PLCB2: variants seen among roughly 807,000 people sequenced by gnomAD.
The protein encoded by PLCB2 is phospholipase C beta 2.
PLCB2 carries 115 observed loss-of-function variants against 141.7 expected under a neutral mutation model. The ratio of observed to expected loss-of-function variants is 0.81; its 90% CI spans 0.70 to 0.95. The LOEUF (loss-of-function observed/expected upper bound fraction) is 0.95. Ranked by LOEUF, PLCB2 falls within the 40% of genes least tolerant of loss-of-function variation. The pLI is 0.00. For synonymous variants in PLCB2, 603 were observed against 595.6 expected, an observed-to-expected ratio of 1.01 and a Z score of -0.18; for missense variants, 1,403 against 1,541.1, an observed-to-expected ratio of 0.91 and a Z score of 1.50.
At chr15:40,301,063 CGCAGG>C (rs1300099472) in intron 7 of PLCB2, 1 of 157,452 alleles carries the variant, frequency 6.4e-6, no homozygotes, top group Non-Finnish European at 1.4e-5. Context: ...GTAGGGGAGC[CGCAGG>C]AGCCCATTCC....
Position 40,302,039 on chromosome 15 carries a change from G to A in PLCB2, c.507-7C>T. On this transcript the variant is annotated splice_polypyrimidine_tract_variant and splice_region_variant and intron_variant, in intron 6 of 31. Coordinates refer to ENST00000260402, the MANE Select transcript of PLCB2 (RefSeq NM_004573.3). The stretch of plus-strand genomic sequence containing the variant: ...AGGAAACATCTGGAAAAAGCTGAAG[G>A]GGCAGAGAAAGGTACCAGGTACAGA... 3 of 1,614,172 alleles carry A rather than the reference G, an allele frequency of 1.9e-6. No homozygotes were observed. The Admixed American group carries it at 5.0e-5, about 27-fold the overall frequency.
At chr15:40,303,225 CT>C in intron 3 of PLCB2, 62 bp downstream of exon 3, 1 of 1,226,674 alleles carries the variant, frequency 8.2e-7, no homozygotes, top group Non-Finnish European at 1.2e-6. Context: ...ACAGGGACCC[CT>C]GCCCTTGCCC....
intron 1 of PLCB2, among the ~76,000 whole-genome samples, 182 bp from the exon 2 acceptor site, chr15:40,304,260 C>T (rs1290928059): frequency 1.3e-5 from 2 of 152,182 alleles, no homozygotes; most frequent in Non-Finnish European, 1.5e-5. Flanking sequence ...GATGCCATTT[C>T]TGGAAGAGAA....
Position 40,291,424 on chromosome 15 carries a change from C to G in PLCB2, c.2711G>C (p.Arg904Pro), listed in dbSNP as rs1595636278. ...CAACTCTCGCAGCTCCTTCTCGTGC[C>G]GCCGCTGCAGCTTCACCACGCCCTT... ...ELKGVVKLQR[R>P]HEKELRELER... The change falls in exon 26 of 32, where the codon CGG (arginine) becomes CCG (proline). Residue 904 changes from arginine to proline, a missense_variant. Physicochemically the swap from Arg to Pro is moderately radical, Grantham distance 103. This residue lies in a region of PLCB2 where 290 missense variants were observed against 245.9 expected (regional missense o/e 1.18). Transcript: ENST00000260402. 6.5e-7 allele frequency: 1 copy of G among 1,539,704 alleles called. No homozygotes were observed. The highest frequency in any genetic ancestry group is 8.7e-7 in the Non-Finnish European group (1 of 1,148,146).
chr15:40,298,646 G>A lies in PLCB2; in HGVS notation c.913C>T (p.Gln305Ter), dbSNP rs2040355892. The change falls in exon 10 of 32, where the codon CAG becomes TAG. Residue 305 changes from glutamine to a stop codon, truncating the protein, a stop_gained. Transcript: ENST00000260402. LOFTEE classifies it high-confidence loss of function. ...LCGPENSVLA[Q>*]DKLLLHHDMT... is the part of the protein sequence containing the mutation. ...TCGTGGTGGAGCAGCAGCTTGTCCT[G>A]GGCCAGCACGCTGTTCTCTGGCCCA... The A allele has an allele frequency of 1.2e-6, 2 of 1,614,194 alleles. No homozygotes were observed. Among genetic ancestry groups the A allele is most frequent in the Non-Finnish European group, 1.7e-6 (2 of 1,180,022 alleles).
Position 40,292,079 on chromosome 15 carries a change from C to A in PLCB2, c.2511G>T (p.Met837Ile). The change falls in exon 23 of 32, where the codon ATG (methionine) becomes ATT (isoleucine). Residue 837 changes from methionine (M) to isoleucine (I), a missense_variant. Coordinates refer to ENST00000260402, the MANE Select transcript of PLCB2 (RefSeq NM_004573.3). ...CAACACAGACCTCAGGCAGACCTCC[C>A]ATGGCCTCCTTGAGCTTCACAGACT... Reference protein sequence around the residue: ...DTKSVKLKEAMGGLPEKPFPL... With the variant: ...DTKSVKLKEAIGGLPEKPFPL... The A allele has an allele frequency of 6.2e-7, 1 of 1,614,134 alleles. No individual in the cohort carries two copies. The highest frequency in any genetic ancestry group is 1.1e-5 in the South Asian group (1 of 91,070).
chr15:40,294,490 T>G, intron 18 of PLCB2, 70 bp from the exon 19 acceptor site: 1 of 1,527,718 alleles, frequency 6.5e-7, no homozygotes, highest in Non-Finnish European at 9.0e-7. Context: ...ATTTCCTCCA[T>G]TCCCAGCCTT....
downstream of PLCB2, among the ~76,000 whole-genome samples, chr15:40,286,534 T>C (rs2039614018): frequency 1.3e-5 from 2 of 152,036 alleles, no homozygotes; most frequent in Non-Finnish European, 2.9e-5. Flanking sequence ...AGCAATGGAA[T>C]TGGGAAAGGG....
At position 40,297,438 on chromosome 15, in the gene PLCB2, T is replaced by C. The variant is rs1236465021; in HGVS notation, c.1323+83A>G. ...AGTGAACCCTAGCATCCTCTGGGAG[T>C]GTCTCCCTCCCTAACCTGGTTCTCA... is the stretch of plus-strand genomic sequence containing the variant. On this transcript the variant is annotated intron_variant, in intron 13 of 31. Transcript: ENST00000260402. This position sits in a 1 kb window ranked among gnomAD's most constrained non-coding sequence, Gnocchi z 4.2. 2.3e-5 allele frequency: 23 copies of C among 1,000,166 alleles called. No homozygotes were observed. Among genetic ancestry groups the C allele is most frequent in the Non-Finnish European group, 3.5e-5 (22 of 623,102 alleles). 62.0% of individuals were successfully genotyped at this position (1,000,166 alleles called of 1,614,324 possible).
intron 14 of PLCB2, 28 bp downstream of exon 14, chr15:40,296,718 C>A (rs750457847): frequency 6.2e-7 from 1 of 1,609,636 alleles, no homozygotes; most frequent in Non-Finnish European, 8.5e-7. Context: ...GCTCCTAATA[C>A]CCCCCACCAT....
chr15:40,297,665 C>G lies in PLCB2; in HGVS notation c.1239-60G>C. 1 of 1,391,918 alleles carries G rather than the reference C, an allele frequency of 7.2e-7. No individual in the cohort carries two copies. Among genetic ancestry groups the G allele is most frequent in the Non-Finnish European group, 1.0e-6 (1 of 985,566 alleles). 86.2% of individuals were successfully genotyped at this position (1,391,918 alleles called of 1,614,324 possible). A position where few individuals can be genotyped will look rare whatever the true frequency, so the allele number is the denominator to read the frequency against. On this transcript the variant is annotated intron_variant, in intron 12 of 31. Transcript: ENST00000260402. The surrounding 1 kb of genome is among the most constrained non-coding windows in gnomAD (Gnocchi z 4.2). ...GCTCAGCACCAACCCTATTATGCATCCTTTTGTGCCCTTGATGACCCAGAT... is the reference window on the plus strand; with the variant it reads ...GCTCAGCACCAACCCTATTATGCATGCTTTTGTGCCCTTGATGACCCAGAT...
chr15:40,291,745 G>GC, intron 24 of PLCB2, 95 bp from the exon 25 acceptor site: 4 of 1,601,598 alleles, frequency 2.5e-6, no homozygotes, highest in Non-Finnish European at 3.4e-6. Flanking sequence ...CGCAGTATGT[G>GC]CCCCCTGCCC....
chr15:40,289,720 C>T (rs1485095451), intron 30 of PLCB2: 2 of 522,636 alleles, frequency 3.8e-6, no homozygotes, highest in African/African-American at 3.8e-5. Context: ...CCCAGCCTCC[C>T]CTGGCCCTGA....
In PLCB2 at chr15:40,307,682, C is replaced by A. The variant is rs200358153; in HGVS notation, c.-10G>T. The A allele has an allele frequency of 6.5e-7, 1 of 1,548,198 alleles. No individual in the cohort carries two copies. Among genetic ancestry groups the A allele is most frequent in the Non-Finnish European group, 8.7e-7 (1 of 1,143,588 alleles). ...GGTTGAGCAGAGACATGGTGCCAAG[C>A]GTTCCTCTTTGCAGAATCTCAGCAG... On this transcript the variant is annotated 5_prime_UTR_variant, in exon 1 of 32. Transcript: ENST00000260402.
Position 40,293,665 on chromosome 15 carries a change from C to G in PLCB2, c.2121G>C (p.Leu707=), listed in dbSNP as rs2040047743. The change falls in exon 20 of 32, where the codon CTG becomes CTC. Residue 707 remains leucine, a synonymous_variant. Coordinates refer to ENST00000260402, the MANE Select transcript of PLCB2 (RefSeq NM_004573.3). ...TCTTGGGGTCCCCAGGAAGGCCAAA[C>G]AGCTCCACTTCTACATAGGTGCGCA... ...RSVRTYVEVE[L]FGLPGDPKRR... 1 of 1,614,164 alleles carries G rather than the reference C, an allele frequency of 6.2e-7. No individual in the cohort carries two copies. The highest frequency in any genetic ancestry group is 8.5e-7 in the Non-Finnish European group (1 of 1,180,006).
chr15:40,298,925 CA>C lies in PLCB2; in HGVS notation c.722del (p.Leu241ArgfsTer74). The C allele has an allele frequency of 6.2e-7, 1 of 1,608,758 alleles. No individual in the cohort carries two copies. The highest frequency in any genetic ancestry group is 2.2e-5 in the East Asian group (1 of 44,876). On this transcript the variant is annotated frameshift_variant, in exon 9 of 32. Transcript: ENST00000260402. LOFTEE classifies it high-confidence loss of function. The stretch of plus-strand genomic sequence containing the variant: ...GCTGTTTCTGGTTGATGAATTTGGT[CA>C]GGTGCTCCTTCGTCATGTAGGGTTT... ...KAKPYMTKEH[L>X]TKFINQKQRD... is the part of the protein sequence containing the mutation.
Position 40,289,289 on chromosome 15 carries a change from G to GT in PLCB2, c.3336dup (p.Arg1113ThrfsTer47). On this transcript the variant is annotated frameshift_variant, in exon 31 of 32. Coordinates refer to ENST00000260402, the MANE Select transcript of PLCB2 (RefSeq NM_004573.3). LOFTEE classifies it low-confidence loss of function (END_TRUNC). Reference sequence around the variant, plus strand: ...CCTGTTACCTGCTTTTCCATCTCCCGTATCTGTTCCAGGCAAGCCGCCTGC... The same window carrying GT: ...CCTGTTACCTGCTTTTCCATCTCCCGTTATCTGTTCCAGGCAAGCCGCCTGC... 6.2e-7 allele frequency: 1 copy of GT among 1,613,678 alleles called. No homozygotes were observed. Among genetic ancestry groups the GT allele is most frequent in the Non-Finnish European group, 8.5e-7 (1 of 1,179,634 alleles).
intron 24 of PLCB2, 37 bp downstream of exon 24, chr15:40,291,812 A>C: frequency 6.2e-7 from 1 of 1,613,678 alleles, no homozygotes; most frequent in Non-Finnish European, 8.5e-7. Flanking sequence ...GCAGAGGTGG[A>C]GGTGCCCCCA....
chr15:40,305,104 T>C (rs781084771), intron 1 of PLCB2, among the ~76,000 whole-genome samples: 15 of 151,952 alleles, frequency 9.9e-5, no homozygotes, highest in Admixed American at 2.0e-4. Flanking sequence ...CAAGGGAGAG[T>C]TGGAGTGCCT....
Sources: gnomAD v4.1 joint callset for allele counts (sites outside exome capture counted in the v4.1 genomes callset) on GRCh38, gnomAD v4.1.1 for gene constraint, gnomAD v4.1.1 regional missense constraint, Gnocchi (gnomAD v3.1) non-coding constraint, MANE v1.5 for transcripts, NCBI Gene and HGNC (gene_info 2026-07-23, HGNC 2026-07-21) for gene names.